The following NTM variants were observed in gnomAD, a reference collection of about 807,000 sequenced individuals.
NTM encodes IgLON family member 2.
A neutral mutation model predicts 42.1 loss-of-function variants in NTM; 13 were observed. The ratio of observed to expected loss-of-function variants is 0.31; its 90% confidence interval spans 0.20 to 0.49. The LOEUF is 0.49. NTM is among the 20% of genes least tolerant of loss of function. The probability of loss-of-function intolerance (pLI) is 0.99; values close to 1 mark genes in which losing one functional copy is unlikely to be tolerated. For synonymous variants in NTM, 187 were observed against 179.2 expected (o/e 1.04, Z -0.35); for missense variants, 373 against 452.8 (o/e 0.82, Z 1.60).
intron 1 of NTM, among the ~76,000 whole-genome samples, chr11:131,725,410 A>G (rs1253591076): frequency 4.6e-5 from 7 of 152,178 alleles, no homozygotes; most frequent in Admixed American, 3.3e-4. Context: ...AGAGAACAGG[A>G]AGGGTAGCCT....
chr11:132,027,830 GCTT>G (rs1216958423), intron 2 of NTM, among the ~76,000 whole-genome samples: 1 of 151,998 alleles, frequency 6.6e-6, no homozygotes, highest in Non-Finnish European at 1.5e-5. Context: ...CATTTTTTCT[GCTT>G]CTTTCTCCCA....
At chr11:131,372,186 T>A (rs1941304132) in intron 1 of NTM, among the ~76,000 whole-genome samples, 1 of 152,112 alleles carries the variant, frequency 6.6e-6, no homozygotes, top group Admixed American at 6.5e-5. Flanking sequence ...AAGGATCAAA[T>A]GTGTACACCC....
chr11:131,946,023 T>C (rs2060308049), intron 2 of NTM, among the ~76,000 whole-genome samples: 1 of 152,116 alleles, frequency 6.6e-6, no homozygotes, highest in Non-Finnish European at 1.5e-5. Flanking sequence ...TGGGGTTAGT[T>C]ACATAAGAGG....
chr11:131,499,223 G>A (rs959088849), intron 1 of NTM, among the ~76,000 whole-genome samples: 3 of 152,134 alleles, frequency 2.0e-5, no homozygotes, highest in African/African-American at 4.8e-5. Flanking sequence ...GACAAAGAAA[G>A]CATTCTTGAG....
At position 132,002,287 on chromosome 11, in the gene NTM, G is replaced by A. The variant is rs199937365; in HGVS notation, c.167+90639G>A. On this transcript the variant is annotated intron_variant, in intron 2 of 8. Coordinates refer to ENST00000683400, the MANE Select transcript of NTM (RefSeq NM_001352005.2). This position sits in a 1 kb window ranked among gnomAD's most constrained non-coding sequence, Gnocchi z 4.5. ...TGTGGCAGCTTTACTGTACAAAAGC[G>A]ATGAAATTTAATAATTATTTAGTTA... 3.3e-5 allele frequency among the ~76,000 whole-genome samples: 5 copies of A among 152,278 alleles called. No homozygotes were observed. In the East Asian group the frequency reaches 5.8e-4, roughly 18 times the overall value.
chr11:132,156,082 C>T (rs1303572054), intron 3 of NTM, among the ~76,000 whole-genome samples: 1 of 152,158 alleles, frequency 6.6e-6, no homozygotes, highest in Non-Finnish European at 1.5e-5. Context: ...CTGCCACACC[C>T]ACTTTGCACC....
chr11:132,217,612 T>G (rs1235064186), intron 4 of NTM, among the ~76,000 whole-genome samples: 1 of 151,994 alleles, frequency 6.6e-6, no homozygotes, highest in Non-Finnish European at 1.5e-5. Context: ...AGCCTTTCTC[T>G]TTACCTAACG....
At chr11:132,241,594 T>C (rs1218760480) in intron 4 of NTM, among the ~76,000 whole-genome samples, 1 of 152,240 alleles carries the variant, frequency 6.6e-6, no homozygotes, top group African/African-American at 2.4e-5. Flanking sequence ...TAACTGGCTC[T>C]GTCCAGGCAT....
At chr11:131,725,484 G>A (rs2078850279) in intron 1 of NTM, among the ~76,000 whole-genome samples, 1 of 152,118 alleles carries the variant, frequency 6.6e-6, no homozygotes. Flanking sequence ...GAAATGACTT[G>A]AAGGAGGCGA....
At chr11:131,608,080 T>C (rs1329611406) in intron 1 of NTM, among the ~76,000 whole-genome samples, 1 of 152,294 alleles carries the variant, frequency 6.6e-6, no homozygotes, top group East Asian at 1.9e-4. Context: ...CAGTGTGTGA[T>C]GTTCCCCTTC....
At chr11:132,160,256 G>A (rs1047595795) in intron 3 of NTM, among the ~76,000 whole-genome samples, 10 of 152,078 alleles carry the variant, frequency 6.6e-5, no homozygotes, top group African/African-American at 1.9e-4. Context: ...TGAATTTTTC[G>A]TGCAAAAAAG....
At chr11:132,020,009 C>G (rs1414580659) in intron 2 of NTM, among the ~76,000 whole-genome samples, 4 of 151,936 alleles carry the variant, frequency 2.6e-5, no homozygotes, top group African/African-American at 9.7e-5. Flanking sequence ...CTTATATTCC[C>G]CCATGTCTAT....
intron 2 of NTM, among the ~76,000 whole-genome samples, chr11:132,012,712 G>C (rs905114047): frequency 6.6e-6 from 1 of 152,110 alleles, no homozygotes; most frequent in Non-Finnish European, 1.5e-5. Flanking sequence ...TTAAAAAAGA[G>C]AATCTAAAAA....
intron 2 of NTM, among the ~76,000 whole-genome samples, chr11:131,960,938 C>G (rs2062095952): frequency 6.6e-6 from 1 of 152,192 alleles, no homozygotes; most frequent in African/African-American, 2.4e-5. Flanking sequence ...ATGCCTCCTA[C>G]TTTGGCCTGT....
intron 1 of NTM, among the ~76,000 whole-genome samples, chr11:131,628,369 G>C (rs551410052): frequency 3.9e-5 from 6 of 152,278 alleles, no homozygotes; most frequent in African/African-American, 1.4e-4. Flanking sequence ...TAATAGGCCC[G>C]GCCCAGTATT....
chr11:131,586,352 G>A (rs2137236395), intron 1 of NTM, among the ~76,000 whole-genome samples: 1 of 152,308 alleles, frequency 6.6e-6, no homozygotes, highest in African/African-American at 2.4e-5. Context: ...TACAGCCGTA[G>A]TGATGGGATG....
chr11:131,746,656 T>TAAGC (rs1234299663), intron 1 of NTM, among the ~76,000 whole-genome samples: 1 of 152,210 alleles, frequency 6.6e-6, no homozygotes, highest in Admixed American at 6.5e-5. Context: ...GAGACATTAA[T>TAAGC]AAGCCTATGC....
intron 4 of NTM, among the ~76,000 whole-genome samples, chr11:132,261,420 G>A (rs752776113): frequency 7.9e-5 from 12 of 152,178 alleles, no homozygotes; most frequent in Non-Finnish European, 1.5e-4. Context: ...ACGGCTCACA[G>A]CACTGCAGCT....
chr11:131,787,354 G>GATGATTATTATT (rs1555125914), intron 1 of NTM, among the ~76,000 whole-genome samples: 16 of 144,436 alleles, frequency 1.1e-4, no homozygotes, highest in Non-Finnish European at 2.0e-4. Flanking sequence ...CATAATACAA[G>GATGATTATTATT]ATTATTATTA....
Sources: allele counts gnomAD v4.1 joint callset (sites outside exome capture counted in the v4.1 genomes callset), GRCh38; gene constraint gnomAD v4.1.1; non-coding constraint Gnocchi (gnomAD v3.1); transcripts MANE v1.5; gene names NCBI Gene and HGNC (gene_info 2026-07-23, HGNC 2026-07-21).